The following MTRR variants were observed in gnomAD, a reference collection of about 807,000 sequenced individuals.
The protein encoded by MTRR is 5-methyltetrahydrofolate-homocysteine methyltransferase reductase, also known as methionine synthase reductase.
A neutral mutation model predicts 79.2 loss-of-function variants in MTRR; 63 were observed. The observed-to-expected ratio is 0.80, with a 90% CI of 0.65 to 0.98. The LOEUF (loss-of-function observed/expected upper bound fraction) is 0.98, where lower values mean the gene tolerates loss of function less well. Among genes scored for constraint, MTRR ranks in the 50% least tolerant of loss-of-function variants. The pLI is 0.00. For synonymous variants in MTRR, 355 were observed against 313.3 expected (o/e 1.13, Z -1.41); for missense variants, 895 against 839.6 (o/e 1.07, Z -0.82).
intron 1 of MTRR, among the ~76,000 whole-genome samples, chr5:7,859,955 G>C (rs1746412833): frequency 6.6e-6 from 1 of 152,128 alleles, no homozygotes; most frequent in African/African-American, 2.4e-5. Flanking sequence ...CAGAGAGCTG[G>C]AGGACGCAGC....
At chr5:7,871,199 G>A (rs773891129) in intron 2 of MTRR, among the ~76,000 whole-genome samples, 1 of 152,208 alleles carries the variant, frequency 6.6e-6, no homozygotes, top group East Asian at 1.9e-4. Flanking sequence ...GTTTCACAGG[G>A]TGGCTGTGAG....
intron 7 of MTRR, among the ~76,000 whole-genome samples, chr5:7,886,242 GTTAT>G (rs1736408933): frequency 6.6e-6 from 1 of 151,910 alleles, no homozygotes. Context: ...ATTAAGAGAA[GTTAT>G]TTATTTTTCA....
intron 11 of MTRR, 76 bp downstream of exon 11, chr5:7,892,989 AC>A (rs1737883868): frequency 2.0e-6 from 3 of 1,472,788 alleles, no homozygotes; most frequent in African/African-American, 2.8e-5. Flanking sequence ...GTGTTGTCTC[AC>A]CCACATCATT....
chr5:7,863,083 T>C, intron 2 of MTRR: 1 of 1,150,062 alleles, frequency 8.7e-7, no homozygotes, highest in Non-Finnish European at 1.3e-6. Flanking sequence ...GTAGAAAAGT[T>C]TGATATAACA....
intron 14 of MTRR, among the ~76,000 whole-genome samples, 153 bp from the exon 15 acceptor site, chr5:7,899,761 A>G (rs1047900390): frequency 6.6e-6 from 1 of 152,226 alleles, no homozygotes; most frequent in African/African-American, 2.4e-5. Context: ...TGGCCTGGGC[A>G]TGAGTGAGGC....
rs776024663 is a variant in MTRR at position 7,878,328 on chromosome 5, G to C, written c.780+6G>C. 1.2e-6 allele frequency: 2 copies of C among 1,614,050 alleles called. No homozygotes were observed. The highest frequency in any genetic ancestry group is 2.2e-5 in the South Asian group (2 of 91,076). On this transcript the variant is annotated splice_donor_region_variant and intron_variant, in intron 5 of 14. Coordinates refer to ENST00000440940, the MANE Select transcript of MTRR (RefSeq NM_002454.3). ...TGCAGGAGTCTCTTGGCCAGGTAAG[G>C]AAGTTTTTCTTTATGCTATAGATGC...
intron 3 of MTRR, 88 bp from the exon 4 acceptor site, chr5:7,875,170 G>A: frequency 2.2e-6 from 2 of 896,476 alleles, no homozygotes; most frequent in Non-Finnish European, 1.9e-6. Context: ...GCATGAAATA[G>A]TATTATTTTA....
intron 2 of MTRR, chr5:7,862,914 A>C (rs757344250): frequency 6.2e-7 from 1 of 1,614,082 alleles, no homozygotes; most frequent in Non-Finnish European, 8.5e-7. Flanking sequence ...CATATCTATA[A>C]AGCTGAGAAT....
intron 2 of MTRR, chr5:7,862,870 C>CT: frequency 6.2e-7 from 1 of 1,613,900 alleles, no homozygotes; most frequent in Non-Finnish European, 8.5e-7. Flanking sequence ...AAAATATAAT[C>CT]TTGCTCCTAA....
intron 2 of MTRR, among the ~76,000 whole-genome samples, chr5:7,871,829 T>G (rs1748048577): frequency 6.6e-6 from 1 of 151,960 alleles, no homozygotes; most frequent in South Asian, 2.1e-4. Context: ...CAGCAGACTC[T>G]GTCATTCTAC....
intron 1 of MTRR, among the ~76,000 whole-genome samples, chr5:7,855,126 CAGTT>C (rs1401705094): frequency 6.6e-6 from 1 of 152,140 alleles, no homozygotes; most frequent in Non-Finnish European, 1.5e-5. Context: ...GAAAGAGTAG[CAGTT>C]AGAGACATAA....
chr5:7,873,347 C>T, intron 2 of MTRR, 26 bp from the exon 3 acceptor site: 3 of 1,613,954 alleles, frequency 1.9e-6, no homozygotes, highest in Non-Finnish European at 2.5e-6. Context: ...GTGTTAGGTC[C>T]CTGACTTGAT....
intron 2 of MTRR, 31 bp from the exon 3 acceptor site, chr5:7,873,342 A>G (rs1748324688): frequency 1.2e-6 from 2 of 1,613,584 alleles, no homozygotes; most frequent in Non-Finnish European, 1.7e-6. Flanking sequence ...ATGTAGTGTT[A>G]GGTCCCTGAC....
At chr5:7,877,319 C>G (rs988575392) in intron 4 of MTRR, among the ~76,000 whole-genome samples, 3 of 151,946 alleles carry the variant, frequency 2.0e-5, no homozygotes, top group Non-Finnish European at 4.4e-5. Context: ...TTCAACTTTC[C>G]CAAAGGAGGG....
At chr5:7,868,063 C>T, upstream of MTRR, 2 of 1,606,868 alleles carry the variant, frequency 1.2e-6, no homozygotes, top group Non-Finnish European at 1.7e-6. Context: ...AAAGGTTCTT[C>T]CTCAAGGTGA....
intron 2 of MTRR, among the ~76,000 whole-genome samples, chr5:7,862,236 A>T (rs1198136446): frequency 6.6e-6 from 1 of 152,160 alleles, no homozygotes; most frequent in Non-Finnish European, 1.5e-5. Context: ...TCAAGTTAGA[A>T]GAACTGTAAG....
In MTRR at chr5:7,900,073, GAA is replaced by G. The variant is rs755568563; in HGVS notation, c.*17_*18del. 11 of 1,612,450 alleles carry G rather than the reference GAA, an allele frequency of 6.8e-6. No homozygotes were observed. Among genetic ancestry groups the G allele is most frequent in the Non-Finnish European group, 8.5e-6 (10 of 1,179,706 alleles). On this transcript the variant is annotated 3_prime_UTR_variant, in exon 15 of 15. Transcript: ENST00000440940. ...TTTGGTCATAAAACCAGAAATTAAA[GAA>G]AGAGGATTAAGCTTTTTTGACTGAA...
chr5:7,897,927 T>TC lies in MTRR; in HGVS notation c.1952+681dup, dbSNP rs1481959982. 2.6e-5 allele frequency among the ~76,000 whole-genome samples: 4 copies of TC among 152,294 alleles called. No homozygotes were observed. In the East Asian group the frequency reaches 7.7e-4, roughly 29 times the overall value. ...TCTCTAAGTCAGGTTCTTTTTTTTT[T>TC]CAACTGTAATGTAGAAGACAAAATA... On this transcript the variant is annotated intron_variant, in intron 14 of 14. Transcript: ENST00000440940.
chr5:7,889,366 G>T, intron 9 of MTRR, 91 bp downstream of exon 9: 1 of 1,396,156 alleles, frequency 7.2e-7, no homozygotes, highest in South Asian at 1.2e-5. Flanking sequence ...TGCTGCTCTT[G>T]TCTTACCCTT....
Sources: gnomAD v4.1 joint callset for allele counts (sites outside exome capture counted in the v4.1 genomes callset) on GRCh38, gnomAD v4.1.1 for gene constraint, MANE v1.5 for transcripts, NCBI Gene and HGNC (gene_info 2026-07-23, HGNC 2026-07-21) for gene names.